The following CDH24 variants were observed in gnomAD, a reference collection of about 807,000 sequenced individuals.
CDH24 encodes cadherin-24.
A neutral mutation model predicts 71.2 loss-of-function variants in CDH24; 61 were observed. The observed-to-expected ratio is 0.86, with a 90% CI of 0.70 to 1.06. CDH24 has a LOEUF of 1.06. CDH24 is among the 50% of genes least tolerant of loss of function. The probability of loss-of-function intolerance (pLI) is 0.00; values close to 1 mark genes in which losing one functional copy is unlikely to be tolerated. For missense variants in CDH24, 961 were observed against 1,083.7 expected (o/e 0.89, Z 1.59); for synonymous variants, 440 against 470.2 (o/e 0.94, Z 0.83).
At chr14:23,056,854 C>G (rs919646618) in intron 1 of CDH24, among the ~76,000 whole-genome samples, 3 of 152,078 alleles carry the variant, frequency 2.0e-5, no homozygotes, top group Admixed American at 6.5e-5. Flanking sequence ...GGGGAGGACC[C>G]CTCAGGTAGC....
At chr14:23,050,250 A>C in intron 8 of CDH24, 1 of 272,826 alleles carries the variant, frequency 3.7e-6, no homozygotes, top group East Asian at 7.9e-5. Flanking sequence ...TAAATGAAAG[A>C]CAGAGGGAAG....
In CDH24 at chr14:23,055,618, A is replaced by C; in HGVS notation, c.116T>G (p.Leu39Arg). 1 of 1,613,732 alleles carries C rather than the reference A, an allele frequency of 6.2e-7. No individual in the cohort carries two copies. Among genetic ancestry groups the C allele is most frequent in the Non-Finnish European group, 8.5e-7 (1 of 1,179,946 alleles). ...GACCCAGCTCCTTCGAGTCCGCAGC[A>C]GAGCAGGCCCTGGGTGTTCCCGGGA... ...AGSREHPGPA[L>R]LRTRRSWVWN... The change falls in exon 2 of 13, where the codon CTG (leucine) becomes CGG (arginine). Residue 39 changes from leucine (L) to arginine (R), a missense_variant. Around this residue, in one of 2 missense-constraint regions of CDH24, gnomAD observed 671 missense variants for 810.9 expected, o/e 0.83. Coordinates refer to ENST00000487137, the MANE Select transcript of CDH24 (RefSeq NM_144985.4). The surrounding 1 kb of genome is among the most constrained non-coding windows in gnomAD (Gnocchi z 4.1).
rs994157537 is a variant in CDH24 at position 23,047,921 on chromosome 14, A to T, written c.*59T>A. 3.2e-6 allele frequency: 4 copies of T among 1,240,652 alleles called. No individual in the cohort carries two copies. The South Asian group carries it at 7.6e-5, about 24-fold the overall frequency. The allele number at this position is 1,240,652 out of a possible 1,614,324, so 76.9% of individuals were successfully genotyped here. On this transcript the variant is annotated 3_prime_UTR_variant, in exon 12 of 13. Transcript: ENST00000487137. The stretch of plus-strand genomic sequence containing the variant: ...CGCCCGCCTGGACCCCGTGGGGCTC[A>T]CTCAGAGGGCCTGTGCCCGCTGCCC...
In CDH24 at chr14:23,055,437, G is replaced by A; in HGVS notation, c.202-84C>T. 1 of 1,584,688 alleles carries A rather than the reference G, an allele frequency of 6.3e-7. No individual in the cohort carries two copies. The highest frequency in any genetic ancestry group is 1.3e-5 in the African/African-American group (1 of 74,374). ...TCTAGGTTTGGGTAGAGCGTTGGGA[G>A]TCCTGAGGGACCAAGGTCATTGCAG... On this transcript the variant is annotated intron_variant, in intron 2 of 12. Transcript: ENST00000487137. This position sits in a 1 kb window ranked among gnomAD's most constrained non-coding sequence, Gnocchi z 4.1.
rs2047100911 is a variant in CDH24 at position 23,053,625 on chromosome 14, T to G, written c.1097A>C (p.Gln366Pro). The part of the protein sequence containing the change: ...KDVASVRVAV[Q>P]DAPEPPAFTQ... ...GAAGGCAGGTGGCTCTGGGGCATCT[T>G]GCACTGCCACACGCACAGAGGCCAC... Residue 366 changes from glutamine to proline, a missense_variant, in exon 7 of 13, where the codon CAA becomes CCA. Gln to Pro is a moderately conservative substitution (Grantham distance 76). This residue lies in a region of CDH24 where 671 missense variants were observed against 810.9 expected (regional missense o/e 0.83). Transcript: ENST00000487137. 6.2e-7 allele frequency: 1 copy of G among 1,613,806 alleles called. No homozygotes were observed. The highest frequency in any genetic ancestry group is 8.5e-7 in the Non-Finnish European group (1 of 1,179,874).
chr14:23,055,446 G>A lies in CDH24; in HGVS notation c.201+87C>T. 6.3e-7 allele frequency: 1 copy of A among 1,586,424 alleles called. No homozygotes were observed. Among genetic ancestry groups the A allele is most frequent in the South Asian group, 1.1e-5 (1 of 87,414 alleles). On this transcript the variant is annotated intron_variant, in intron 2 of 12. Coordinates refer to ENST00000487137, the MANE Select transcript of CDH24 (RefSeq NM_144985.4). The surrounding 1 kb of genome is among the most constrained non-coding windows in gnomAD (Gnocchi z 4.1). ...GGGTAGAGCGTTGGGAGTCCTGAGG[G>A]ACCAAGGTCATTGCAGAAGTGATGA...
At position 23,047,916 on chromosome 14, in the gene CDH24, G is replaced by T. The variant is rs1037626892; in HGVS notation, c.*64C>A. On this transcript the variant is annotated 3_prime_UTR_variant, in exon 12 of 13. Transcript: ENST00000487137. ...GCTGCCGCCCGCCTGGACCCCGTGG[G>T]GCTCACTCAGAGGGCCTGTGCCCGC... is the stretch of plus-strand genomic sequence containing the variant. The T allele has an allele frequency of 1.4e-4, 171 of 1,223,274 alleles. No individual in the cohort carries two copies. Among genetic ancestry groups the T allele is most frequent in the Non-Finnish European group, 1.7e-4 (164 of 967,262 alleles). The allele number at this position is 1,223,274 out of a possible 1,614,324, so 75.8% of individuals were successfully genotyped here.
rs759572379 is a variant in CDH24 at position 23,055,678 on chromosome 14, C to A, written c.56G>T (p.Gly19Val). ...GGCCCGGGCTGGGGCTGCCAGACGCCCCATGCAGCCCCAGCCACCCAGCCA... is the reference window on the plus strand; with the variant it reads ...GGCCCGGGCTGGGGCTGCCAGACGCACCATGCAGCCCCAGCCACCCAGCCA... ...LAWLGGWGCM[G>V]RLAAPARAWA... is the part of the protein sequence containing the mutation. Residue 19 changes from glycine (G) to valine (V), a missense_variant, in exon 2 of 13, where the codon GGG becomes GTG. Gly to Val is a moderately radical substitution (Grantham distance 109). Transcript: ENST00000487137. This position sits in a 1 kb window ranked among gnomAD's most constrained non-coding sequence, Gnocchi z 4.1. 3.1e-6 allele frequency: 5 copies of A among 1,601,804 alleles called. No homozygotes were observed. Among genetic ancestry groups the A allele is most frequent in the Non-Finnish European group, 4.3e-6 (5 of 1,176,410 alleles).
At position 23,054,796 on chromosome 14, in the gene CDH24, C is replaced by T. The variant is rs1310334937; in HGVS notation, c.567G>A (p.Val189=). 9 of 1,613,984 alleles carry T rather than the reference C, an allele frequency of 5.6e-6. No individual in the cohort carries two copies. Among genetic ancestry groups the T allele is most frequent in the Admixed American group, 3.3e-5 (2 of 60,004 alleles). The change falls in exon 4 of 13, where the codon GTG becomes GTA. Residue 189 remains valine (V), a synonymous_variant. Coordinates refer to ENST00000487137, the MANE Select transcript of CDH24 (RefSeq NM_144985.4). The surrounding 1 kb of genome is among the most constrained non-coding windows in gnomAD (Gnocchi z 5.2). ...AAGGCAGTCCATCCAGAACAGTGTA[C>T]ACCAGCTTGGCACTGTTCCCATAGC... The part of the protein sequence containing the change: ...DPSYGNSAKL[V]YTVLDGLPFF...
Position 23,047,898 on chromosome 14 carries a change from C to A in CDH24, c.*82G>T. On this transcript the variant is annotated 3_prime_UTR_variant, in exon 12 of 13. Coordinates refer to ENST00000487137, the MANE Select transcript of CDH24 (RefSeq NM_144985.4). The stretch of plus-strand genomic sequence containing the variant: ...GCCTGGGGCCCCTGGGCTGCTGCCG[C>A]CCGCCTGGACCCCGTGGGGCTCACT... 8.9e-7 allele frequency: 1 copy of A among 1,122,556 alleles called. No individual in the cohort carries two copies. Among genetic ancestry groups the A allele is most frequent in the Non-Finnish European group, 1.1e-6 (1 of 882,716 alleles). 69.5% of individuals were successfully genotyped at this position (1,122,556 alleles called of 1,614,324 possible).
chr14:23,048,023 G>C lies in CDH24; in HGVS notation c.2303C>G (p.Thr768Ser). The change falls in exon 12 of 13, where the codon ACC becomes AGC. Residue 768 changes from threonine (T) to serine (S), a missense_variant. By Grantham distance (58) the Thr-to-Ser change is moderately conservative. This residue lies in a region of CDH24 where 290 missense variants were observed against 272.8 expected (regional missense o/e 1.06). Coordinates refer to ENST00000487137, the MANE Select transcript of CDH24 (RefSeq NM_144985.4). ...PLDDWGPLFR[T>S]LAELYGAKEP... is the part of the protein sequence containing the mutation. ...CTTGGCCCCATACAGCTCGGCCAGG[G>C]TGCGGAAGAGCGGACCCCAGTCGTC... 1 of 1,448,096 alleles carries C rather than the reference G, an allele frequency of 6.9e-7. No homozygotes were observed. The highest frequency in any genetic ancestry group is 9.0e-7 in the Non-Finnish European group (1 of 1,105,874). 89.7% of individuals were successfully genotyped at this position (1,448,096 alleles called of 1,614,324 possible).
chr14:23,052,419 G>T (rs763893296), intron 8 of CDH24, 54 bp downstream of exon 8: 41 of 1,604,494 alleles, frequency 2.6e-5, no homozygotes, highest in Non-Finnish European at 3.3e-5. Flanking sequence ...CACACCCAGG[G>T]ACAGCTCCTC....
rs139370253 is a variant in CDH24, at chr14:23,055,640, G to A, written c.94C>T (p.Arg32Trp). ...AGCAGAGCAGGCCCTGGGTGTTCCC[G>A]GGACCCTGCCCAGGCCCGGGCTGGG... ...AAPARAWAGS[R>W]EHPGPALLRT... Residue 32 changes from arginine to tryptophan, a missense_variant, in exon 2 of 13, where the codon CGG becomes TGG. Coordinates refer to ENST00000487137, the MANE Select transcript of CDH24 (RefSeq NM_144985.4). The surrounding 1 kb of genome is among the most constrained non-coding windows in gnomAD (Gnocchi z 4.1). 539 of 1,612,382 alleles carry A rather than the reference G, an allele frequency of 3.3e-4. No individual in the cohort carries two copies. The highest frequency in any genetic ancestry group is 3.9e-4 in the Non-Finnish European group (465 of 1,179,488).
chr14:23,048,277 G>T lies in CDH24; in HGVS notation c.2049C>A (p.Asp683Glu), dbSNP rs746093683. 20 of 1,564,690 alleles carry T rather than the reference G, an allele frequency of 1.3e-5. No individual in the cohort carries two copies. The highest frequency in any genetic ancestry group is 3.7e-5 in the Admixed American group (2 of 54,152). The change falls in exon 12 of 13, where the codon GAC becomes GAA. Residue 683 changes from aspartate (D) to glutamate (E), a missense_variant. Physicochemically the swap from Asp to Glu is conservative, Grantham distance 45. Coordinates refer to ENST00000487137, the MANE Select transcript of CDH24 (RefSeq NM_144985.4). ...PPAPGPPARR[D>E]VLPRARVSRQ... The stretch of plus-strand genomic sequence containing the variant: ...GCGACACCCGGGCCCGGGGCAACAC[G>T]TCTCGGCGCGCGGGAGGGCCGGGCG...
At chr14:23,050,494 CA>C (rs1555368472) in intron 8 of CDH24, among the ~76,000 whole-genome samples, 1 of 818 alleles carries the variant, frequency 1.2e-3, no homozygotes, top group African/African-American at 3.4e-3. Context: ...ATATACACAC[CA>C]CACACACACA....
Position 23,048,402 on chromosome 14 carries a change from C to T in CDH24, c.1924G>A (p.Glu642Lys), listed in dbSNP as rs758602279. The T allele has an allele frequency of 4.3e-6, 7 of 1,612,498 alleles. No individual in the cohort carries two copies. The South Asian group carries it at 7.7e-5, about 18-fold the overall frequency. The change falls in exon 12 of 13, where the codon GAG becomes AAG. Residue 642 changes from glutamate to lysine, a missense_variant. Physicochemically the swap from Glu to Lys is moderately conservative, Grantham distance 56. Around this residue, in one of 2 missense-constraint regions of CDH24, gnomAD observed 290 missense variants for 272.8 expected, o/e 1.06. Transcript: ENST00000487137. The stretch of plus-strand genomic sequence containing the variant: ...TCGTCGTCGTAGGTGATGATGTTCT[C>T]TCGGACGTCCTCCTCCTCCAGTACC... The part of the protein sequence containing the change: ...LMVLEEEDVR[E>K]NIITYDDEGG...
chr14:23,055,800 C>A lies in CDH24; in HGVS notation c.-67G>T. ...CTGAGGCTGGGCCAGGCCACGTGGC[C>A]CATGAGCTGGCTGGGGTGGAGGGGC... On this transcript the variant is annotated 5_prime_UTR_variant, in exon 2 of 13. Coordinates refer to ENST00000487137, the MANE Select transcript of CDH24 (RefSeq NM_144985.4). The surrounding 1 kb of genome is among the most constrained non-coding windows in gnomAD (Gnocchi z 4.1). The A allele has an allele frequency of 7.2e-7, 1 of 1,385,758 alleles. No individual in the cohort carries two copies. 85.8% of individuals were successfully genotyped at this position (1,385,758 alleles called of 1,614,324 possible).
Position 23,054,735 on chromosome 14 carries a change from C to G in CDH24, c.616+12G>C. ...TTGGCTGCCCCACCGGGCTCCCAGG[C>G]TCCATCCTCACCAGTCTGGGGGTCC... On this transcript the variant is annotated intron_variant, in intron 4 of 12. Transcript: ENST00000487137. The surrounding 1 kb of genome is among the most constrained non-coding windows in gnomAD (Gnocchi z 5.2). The G allele has an allele frequency of 6.2e-7, 1 of 1,614,146 alleles. No individual in the cohort carries two copies. The highest frequency in any genetic ancestry group is 1.1e-5 in the South Asian group (1 of 91,080).
At chr14:23,049,369 C>T (rs1350077940) in intron 10 of CDH24, 94 bp from the exon 11 acceptor site, 4 of 1,228,626 alleles carry the variant, frequency 3.3e-6, no homozygotes, top group African/African-American at 3.0e-5. Context: ...AGAGCCAGCC[C>T]CCCATAGAGC....
Sources: gnomAD v4.1 joint callset for allele counts (sites outside exome capture counted in the v4.1 genomes callset) on GRCh38, gnomAD v4.1.1 for gene constraint, gnomAD v4.1.1 regional missense constraint, Gnocchi (gnomAD v3.1) non-coding constraint, MANE v1.5 for transcripts, NCBI Gene and HGNC (gene_info 2026-07-23, HGNC 2026-07-21) for gene names.